ANKRD27: variants seen among roughly 807,000 people sequenced by gnomAD.
ANKRD27 encodes ankyrin repeat domain 27.
ANKRD27 carries 112 observed loss-of-function variants against 129.7 expected under a neutral mutation model. The observed-to-expected ratio is 0.86, with a 90% CI of 0.74 to 1.01. ANKRD27 has a LOEUF of 1.01. ANKRD27 is among the 50% of genes least tolerant of loss of function. The pLI, the probability that ANKRD27 is intolerant of heterozygous loss-of-function variation, is 0.00. For synonymous variants in ANKRD27, 516 were observed against 511.2 expected (o/e 1.01, Z -0.13); for missense variants, 1,258 against 1,300.5 (o/e 0.97, Z 0.50).
intron 15 of ANKRD27, 117 bp from the exon 16 acceptor site, chr19:32,626,944 G>C: frequency 1.6e-6 from 1 of 609,540 alleles, no homozygotes; most frequent in Non-Finnish European, 2.8e-6. Flanking sequence ...ACCCACGGTA[G>C]ATACTTTTTC....
intron 2 of ANKRD27, among the ~76,000 whole-genome samples, chr19:32,653,993 C>G (rs545452133): frequency 6.6e-6 from 1 of 152,144 alleles, no homozygotes; most frequent in Non-Finnish European, 1.5e-5. Flanking sequence ...CTCCGCCTCC[C>G]GGGTTCACGC....
chr19:32,642,223 A>G, intron 9 of ANKRD27, 78 bp from the exon 10 acceptor site: 3 of 1,285,300 alleles, frequency 2.3e-6, no homozygotes, highest in Non-Finnish European at 2.0e-6. Context: ...AACACATCTC[A>G]GGATCTACAC....
At chr19:32,616,684 G>A (rs910453714) in intron 21 of ANKRD27, among the ~76,000 whole-genome samples, 1 of 152,120 alleles carries the variant, frequency 6.6e-6, no homozygotes, top group African/African-American at 2.4e-5. Flanking sequence ...GTACCTAATG[G>A]TTAGGAAAGA....
chr19:32,617,730 G>T (rs1599742060), intron 20 of ANKRD27, 97 bp from the exon 21 acceptor site: 3 of 525,184 alleles, frequency 5.7e-6, no homozygotes, highest in Non-Finnish European at 6.9e-6. Flanking sequence ...GGCTTGATTT[G>T]TGGACTTTTA....
At chr19:32,608,860 G>A (rs941479411) in intron 22 of ANKRD27, among the ~76,000 whole-genome samples, 2 of 152,080 alleles carry the variant, frequency 1.3e-5, no homozygotes, top group African/African-American at 4.8e-5. Context: ...GCATGCATTG[G>A]GCTGTAGAAT....
At chr19:32,613,573 T>C (rs1971864563) in intron 22 of ANKRD27, among the ~76,000 whole-genome samples, 1 of 152,132 alleles carries the variant, frequency 6.6e-6, no homozygotes, top group Non-Finnish European at 1.5e-5. Context: ...AGTGAGTATA[T>C]GCCACCATTA....
At chr19:32,612,755 CAAA>C (rs1203416980) in intron 22 of ANKRD27, among the ~76,000 whole-genome samples, 2 of 152,132 alleles carry the variant, frequency 1.3e-5, no homozygotes, top group Non-Finnish European at 2.9e-5. Context: ...CAAGAAAAAA[CAAA>C]GAAGAACCTC....
rs558607465 is a variant in ANKRD27, at chr19:32,663,712, A to G, written c.-30-4667T>C. Among the ~76,000 whole-genome samples, 3 of 152,322 alleles carry G rather than the reference A, an allele frequency of 2.0e-5. No individual in the cohort carries two copies. The East Asian group carries it at 5.8e-4, about 29-fold the overall frequency. ...ATGTGAGAAATACAATTATGTATATATTACATAGAAATACACAATGTCATT... is the reference window on the plus strand; with the variant it reads ...ATGTGAGAAATACAATTATGTATATGTTACATAGAAATACACAATGTCATT... On this transcript the variant is annotated intron_variant, in intron 1 of 28. Transcript: ENST00000306065.
At chr19:32,602,316 T>C (rs1376717164) in intron 25 of ANKRD27, among the ~76,000 whole-genome samples, 190 bp from the exon 26 acceptor site, 1 of 151,832 alleles carries the variant, frequency 6.6e-6, no homozygotes, top group African/African-American at 2.4e-5. Flanking sequence ...CGGCTCTGCT[T>C]TTACCACTGG....
chr19:32,672,935 C>T (rs62124337), intron 1 of ANKRD27: 3,313 of 152,300 alleles, frequency 0.022, 63 homozygotes, highest in South Asian at 0.083. Context: ...GACATGGTCA[C>T]ATTCCTCCAC....
Position 32,603,859 on chromosome 19 carries a change from C to T in ANKRD27, c.2655+404G>A, listed in dbSNP as rs566791395. On this transcript the variant is annotated intron_variant, in intron 25 of 28. Transcript: ENST00000306065. The stretch of plus-strand genomic sequence containing the variant: ...TGGCCTCAAGGAGTTTTAAATCCAC[C>T]AACAAAACAAACCTTCTCCATCGTG... 1.0e-3 allele frequency among the ~76,000 whole-genome samples: 157 copies of T among 152,186 alleles called. 1 individual carries two copies. The highest frequency in any genetic ancestry group is 3.6e-3 in the African/African-American group (151 of 41,536).
In ANKRD27 at chr19:32,607,811, T is replaced by A. The variant is rs765990184; in HGVS notation, c.2197A>T (p.Ser733Cys). Residue 733 changes from serine (S) to cysteine (C), a missense_variant, in exon 23 of 29, where the codon AGT becomes TGT. Physicochemically the swap from Ser to Cys is moderately radical, Grantham distance 112. Transcript: ENST00000306065. ...CTGGTCACGTTCACACCAAGCCCAC[T>A]GGCAGGAACCTTCGCCAGCCTCTGG... ...AQKRLAKVPA[S>C]GLGVNVTSQD... The A allele has an allele frequency of 6.2e-7, 1 of 1,604,412 alleles. No homozygotes were observed. The highest frequency in any genetic ancestry group is 2.3e-5 in the East Asian group (1 of 44,206).
chr19:32,642,051 G>C lies in ANKRD27; in HGVS notation c.877C>G (p.Leu293Val), dbSNP rs908257623. ...KLVCLRKVVQ[L>V]ITQSPSQRVN... The stretch of plus-strand genomic sequence containing the variant: ...CTCTGGCTTGGAGACTGTGTAATGA[G>C]CTGCACCACTTTTCGCAAGCAGACA... Residue 293 changes from leucine to valine, a missense_variant, in exon 10 of 29, where the codon CTC becomes GTC. By Grantham distance (32) the Leu-to-Val change is conservative. Coordinates refer to ENST00000306065, the MANE Select transcript of ANKRD27 (RefSeq NM_032139.3). 2 of 1,610,092 alleles carry C rather than the reference G, an allele frequency of 1.2e-6. No homozygotes were observed. The highest frequency in any genetic ancestry group is 2.7e-5 in the African/African-American group (2 of 74,832).
At chr19:32,621,170 G>A (rs560770300) in intron 18 of ANKRD27, among the ~76,000 whole-genome samples, 1 of 66,840 alleles carries the variant, frequency 1.5e-5, no homozygotes, top group East Asian at 3.9e-4. Context: ...TTATAAAAGG[G>A]AGCAGTAAAA....
Position 32,628,184 on chromosome 19 carries a change from T to C in ANKRD27, c.1338-19A>G, listed in dbSNP as rs761649749. The stretch of plus-strand genomic sequence containing the variant: ...CAACCTCCTAAAATACAGAAAGAGA[T>C]AGAAAACTACACAGGGGAATGGCAC... On this transcript the variant is annotated intron_variant, in intron 14 of 28. Transcript: ENST00000306065. The C allele has an allele frequency of 5.0e-6, 8 of 1,606,620 alleles. No homozygotes were observed. Among genetic ancestry groups the C allele is most frequent in the Non-Finnish European group, 6.8e-6 (8 of 1,173,390 alleles).
intron 22 of ANKRD27, among the ~76,000 whole-genome samples, chr19:32,610,259 G>A (rs1385884295): frequency 5.3e-5 from 8 of 151,768 alleles, no homozygotes; most frequent in East Asian, 3.9e-4. Flanking sequence ...GCAGTGAGCC[G>A]AGATGGCGCC....
chr19:32,670,408 G>A (rs35017666), intron 1 of ANKRD27, among the ~76,000 whole-genome samples: 3,752 of 152,300 alleles, frequency 0.025, 76 homozygotes, highest in East Asian at 0.12. Context: ...TTAAAAATAC[G>A]TAACATGCAG....
Position 32,619,374 on chromosome 19 carries a change from A to G in ANKRD27, c.1893T>C (p.Pro631=). 6.2e-7 allele frequency: 1 copy of G among 1,613,714 alleles called. No individual in the cohort carries two copies. Among genetic ancestry groups the G allele is most frequent in the Non-Finnish European group, 8.5e-7 (1 of 1,179,988 alleles). ...CCACGGAGCGCTGCGGGGACTGCAC[A>G]GGGGCCTGCAGCCAAGGAGCCCCAA... ...FERRQKSSEA[P]VQSPQRSVDS... Residue 631 remains proline (P), a synonymous_variant, in exon 20 of 29, where the codon CCT becomes CCC. Transcript: ENST00000306065.
chr19:32,619,196 C>T, intron 20 of ANKRD27, 64 bp downstream of exon 20: 1 of 1,557,494 alleles, frequency 6.4e-7, no homozygotes. Flanking sequence ...GGCTCTTCAG[C>T]TGGACACCAC....
Sources: gnomAD v4.1 joint callset for allele counts (sites outside exome capture counted in the v4.1 genomes callset) on GRCh38, gnomAD v4.1.1 for gene constraint, MANE v1.5 for transcripts, NCBI Gene and HGNC (gene_info 2026-07-23, HGNC 2026-07-21) for gene names.